Variants in SORBS2 observed in about 807,000 individuals in gnomAD.
SORBS2 encodes sorbin and SH3 domain-containing protein 2.
SORBS2 carries 46 observed loss-of-function variants against 97.7 expected under a neutral mutation model. The observed-to-expected ratio is 0.47, with a 90% CI of 0.37 to 0.60. The LOEUF (loss-of-function observed/expected upper bound fraction) is 0.60. Among genes scored for constraint, SORBS2 ranks in the 20% least tolerant of loss-of-function variants. The probability of loss-of-function intolerance (pLI) is 0.00; values close to 1 mark genes in which losing one functional copy is unlikely to be tolerated. For missense variants in SORBS2, 1,316 were observed against 1,282.3 expected (o/e 1.03, Z -0.40); for synonymous variants, 476 against 473.4 (o/e 1.01, Z -0.07).
At chr4:185,912,471 G>C (rs952292498) in intron 1 of SORBS2, among the ~76,000 whole-genome samples, 1 of 150,466 alleles carries the variant, frequency 6.6e-6, no homozygotes, top group Non-Finnish European at 1.5e-5. Flanking sequence ...TGTAATCCCA[G>C]CTACTCAGGT....
intron 1 of SORBS2, among the ~76,000 whole-genome samples, chr4:185,843,416 T>C (rs1340011836): frequency 1.3e-5 from 2 of 152,168 alleles, no homozygotes; most frequent in African/African-American, 4.8e-5. Flanking sequence ...ACGGTTTTTA[T>C]TCATAGATGA....
intron 2 of SORBS2, among the ~76,000 whole-genome samples, chr4:185,756,864 T>C (rs3653): frequency 0.32 from 48,301 of 151,822 alleles, 8,071 homozygotes; most frequent in African/African-American, 0.4. Flanking sequence ...ACCTAAGATA[T>C]CGAGTGGCAA....
chr4:185,654,578 C>A (rs1350478150), intron 1 of SORBS2, among the ~76,000 whole-genome samples: 2 of 152,096 alleles, frequency 1.3e-5, no homozygotes, highest in Non-Finnish European at 2.9e-5. Flanking sequence ...CCAGAAAATG[C>A]CCTGCTGGCA....
intron 2 of SORBS2, among the ~76,000 whole-genome samples, chr4:185,693,783 G>A (rs1476221667): frequency 6.6e-6 from 1 of 152,152 alleles, no homozygotes; most frequent in East Asian, 1.9e-4. Flanking sequence ...CCAAGTTAGA[G>A]AACTAGTTAT....
At chr4:185,853,939 CA>C (rs1467472200) in intron 1 of SORBS2, among the ~76,000 whole-genome samples, 1 of 152,218 alleles carries the variant, frequency 6.6e-6, no homozygotes. Flanking sequence ...GTGTTATTCA[CA>C]TGTTACTCTG....
chr4:185,750,329 C>G (rs2098791518), intron 2 of SORBS2, among the ~76,000 whole-genome samples: 1 of 152,222 alleles, frequency 6.6e-6, no homozygotes, highest in South Asian at 2.1e-4. Flanking sequence ...TAAATTTGCT[C>G]ATAATCCCGA....
chr4:185,899,651 T>C (rs538680209), intron 1 of SORBS2, among the ~76,000 whole-genome samples: 11 of 152,244 alleles, frequency 7.2e-5, no homozygotes, highest in Non-Finnish European at 1.3e-4. Context: ...CAAGATTGTC[T>C]AGTTGAGTCA....
intron 1 of SORBS2, among the ~76,000 whole-genome samples, chr4:185,899,951 G>A (rs546763203): frequency 8.4e-4 from 128 of 152,200 alleles, no homozygotes; most frequent in African/African-American, 2.9e-3. Context: ...TAGAGGCAAC[G>A]GCACTAGAAA....
chr4:185,885,353 C>T (rs1305959878), intron 1 of SORBS2, among the ~76,000 whole-genome samples: 2 of 152,206 alleles, frequency 1.3e-5, no homozygotes, highest in Non-Finnish European at 2.9e-5. Flanking sequence ...TTCATTTTCT[C>T]ACACTGCTGA....
chr4:185,643,433 G>A (rs930457321), intron 4 of SORBS2, among the ~76,000 whole-genome samples: 3 of 152,104 alleles, frequency 2.0e-5, no homozygotes, highest in Admixed American at 6.6e-5. Flanking sequence ...TTATGCTCAG[G>A]GTTTCAGATT....
At chr4:185,593,558 A>G in intron 13 of SORBS2, 1 of 283,496 alleles carries the variant, frequency 3.5e-6, no homozygotes, top group Non-Finnish European at 6.6e-6. Context: ...CATGTTCTGT[A>G]TGTCTTTGAA....
intron 2 of SORBS2, among the ~76,000 whole-genome samples, chr4:185,727,027 C>A (rs184751185): frequency 5.3e-5 from 8 of 152,028 alleles, no homozygotes; most frequent in African/African-American, 1.7e-4. Context: ...CAAAACCAAG[C>A]GAGTTTGGAT....
In SORBS2 at chr4:185,791,430, A is replaced by G. The variant is rs187276791; in HGVS notation, c.-337-16064T>C. Among the ~76,000 whole-genome samples, 30 of 152,258 alleles carry G rather than the reference A, an allele frequency of 2.0e-4. No individual in the cohort carries two copies. The East Asian group carries it at 5.4e-3, about 27-fold the overall frequency. ...GACTTCTGTTTTATTCATATAGCAC[A>G]GTGCCTGCCCCATAGAAAAAACCTA... is the stretch of plus-strand genomic sequence containing the variant. On this transcript the variant is annotated intron_variant, in intron 1 of 20. Transcript: ENST00000284776.
chr4:185,825,604 G>C (rs62335729), intron 1 of SORBS2, among the ~76,000 whole-genome samples: 38,592 of 152,058 alleles, frequency 0.25, 6,276 homozygotes, highest in Middle Eastern at 0.36. Flanking sequence ...ATTGATCTAG[G>C]ATAAATCATT....
chr4:185,908,556 T>C (rs2099253016), intron 1 of SORBS2, among the ~76,000 whole-genome samples: 1 of 151,670 alleles, frequency 6.6e-6, no homozygotes, highest in African/African-American at 2.4e-5. Context: ...AATGAATCTG[T>C]CTGTCGAGTA....
chr4:185,903,377 T>C (rs184956944), intron 1 of SORBS2, among the ~76,000 whole-genome samples: 58 of 152,292 alleles, frequency 3.8e-4, no homozygotes, highest in African/African-American at 1.3e-3. Flanking sequence ...TTATTACCAA[T>C]ATCATCATGA....
At chr4:185,665,487 C>A (rs371356563) in intron 4 of SORBS2, among the ~76,000 whole-genome samples, 1 of 152,140 alleles carries the variant, frequency 6.6e-6, no homozygotes, top group African/African-American at 2.4e-5. Context: ...TACAGTAACA[C>A]GGGAAACCGT....
At chr4:185,715,404 A>T (rs185503148) in intron 2 of SORBS2, among the ~76,000 whole-genome samples, 2 of 152,186 alleles carry the variant, frequency 1.3e-5, no homozygotes, top group African/African-American at 2.4e-5. Context: ...AAGCCCTATG[A>T]AAAGGCCAAA....
rs1161243377 is a variant in SORBS2 at position 185,623,717 on chromosome 4, C to A, written c.1412G>T (p.Gly471Val). 5.0e-6 allele frequency: 8 copies of A among 1,613,854 alleles called. No individual in the cohort carries two copies. In the African/African-American group the frequency reaches 1.1e-4, roughly 22 times the overall value. Residue 471 changes from glycine to valine, a missense_variant, in exon 7 of 15, where the codon GGC becomes GTC. Transcript: ENST00000418609. This position sits in a 1 kb window ranked among gnomAD's most constrained non-coding sequence, Gnocchi z 6.4. ...GGCGTTAGACTGGCAGCCTCGCCGG[C>A]CCCGAGCGGGGGGGCCGCTTTGATT...
Sources: gnomAD v4.1 joint callset for allele counts (sites outside exome capture counted in the v4.1 genomes callset) on GRCh38, gnomAD v4.1.1 for gene constraint, Gnocchi (gnomAD v3.1) non-coding constraint, MANE v1.5 for transcripts, NCBI Gene and HGNC (gene_info 2026-07-23, HGNC 2026-07-21) for gene names.